The following GPBP1 variants were observed in gnomAD, a reference collection of about 807,000 sequenced individuals.
GPBP1 encodes vasculin.
A neutral mutation model predicts 56.5 loss-of-function variants in GPBP1; 13 were observed. The ratio of observed to expected loss-of-function variants is 0.23; its 90% CI spans 0.15 to 0.37. The LOEUF is 0.37. GPBP1 is among the 10% of genes least tolerant of loss of function. GPBP1 has a pLI of 1.00. For missense variants in GPBP1, 477 were observed against 572.3 expected (o/e 0.83, Z 1.70); for synonymous variants, 204 against 188.9 (o/e 1.08, Z -0.66).
intron 3 of GPBP1, 178 bp from the exon 4 acceptor site, chr5:57,230,668 A>G (rs1218564597): frequency 6.4e-6 from 4 of 628,876 alleles, no homozygotes; most frequent in South Asian, 1.9e-5. Flanking sequence ...ATAGAAGAAA[A>G]TGGACCATCG....
chr5:57,210,058 AGTAAGTT>A (rs1755407090), intron 2 of GPBP1, among the ~76,000 whole-genome samples: 1 of 152,204 alleles, frequency 6.6e-6, no homozygotes, highest in South Asian at 2.1e-4. Flanking sequence ...AATCAATTTG[AGTAAGTT>A]TTTCTTTGAA....
chr5:57,254,991 A>G (rs1272518521), intron 10 of GPBP1, among the ~76,000 whole-genome samples: 4 of 152,246 alleles, frequency 2.6e-5, no homozygotes, highest in Non-Finnish European at 5.9e-5. Context: ...TGAAATGTCA[A>G]ATACAGAAAA....
At position 57,248,448 on chromosome 5, in the gene GPBP1, G is replaced by A. The variant is rs1458040753; in HGVS notation, c.805-961G>A. Among the ~76,000 whole-genome samples, 8 of 112,682 alleles carry A rather than the reference G, an allele frequency of 7.1e-5. No individual in the cohort carries two copies. The South Asian group carries it at 2.4e-3, about 34-fold the overall frequency. The allele number at this position is 112,682 out of a possible 152,430, so 73.9% of individuals were successfully genotyped here. A position where few individuals can be genotyped will look rare whatever the true frequency, so the allele number is the denominator to read the frequency against. On this transcript the variant is annotated intron_variant, in intron 8 of 11. Coordinates refer to ENST00000506184, the MANE Select transcript of GPBP1 (RefSeq NM_022913.4). ...TTTTTTTTTTTTTTTTTTTTTTTGA[G>A]ACGGAGTCTCGCTCTGTCGCCCAGG...
intron 10 of GPBP1, among the ~76,000 whole-genome samples, chr5:57,256,338 C>T (rs1278445937): frequency 6.6e-6 from 1 of 152,018 alleles, no homozygotes; most frequent in Non-Finnish European, 1.5e-5. Flanking sequence ...CCCCATACTG[C>T]ATGAAGAGAT....
rs538111510 is a variant in GPBP1, at chr5:57,229,301, T to TATA, written c.64-1544_64-1542dup. On this transcript the variant is annotated intron_variant, in intron 3 of 11. Coordinates refer to ENST00000506184, the MANE Select transcript of GPBP1 (RefSeq NM_022913.4). ...CTGTCTTCTCAACCCTTACTGTCAT[T>TATA]ATATATTGGCCAATGGGCAAGAGGT... Among the ~76,000 whole-genome samples the TATA allele has an allele frequency of 8.7e-4, 127 of 145,312 alleles. 1 individual carries two copies. Among genetic ancestry groups the TATA allele is most frequent in the Non-Finnish European group, 1.6e-3 (105 of 66,930 alleles).
chr5:57,261,659 TTTTTTG>T (rs1580092215), intron 11 of GPBP1, among the ~76,000 whole-genome samples: 1 of 152,130 alleles, frequency 6.6e-6, no homozygotes, highest in Non-Finnish European at 1.5e-5. Context: ...TTTTGTTTTG[TTTTTTG>T]TTTTTGTTTT....
At chr5:57,243,107 G>C (rs1285851997) in intron 6 of GPBP1, among the ~76,000 whole-genome samples, 1 of 151,300 alleles carries the variant, frequency 6.6e-6, no homozygotes, top group African/African-American at 2.4e-5. Context: ...TCACTCTGTC[G>C]CCCAGGCTGG....
chr5:57,185,257 T>C (rs909948965), intron 2 of GPBP1, among the ~76,000 whole-genome samples: 1 of 145,482 alleles, frequency 6.9e-6, no homozygotes, highest in Non-Finnish European at 1.5e-5. Context: ...TTTGGTTAGG[T>C]CTTTTTTTTT....
At chr5:57,237,721 G>A (rs964832456) in intron 6 of GPBP1, among the ~76,000 whole-genome samples, 3 of 151,710 alleles carry the variant, frequency 2.0e-5, no homozygotes, top group African/African-American at 7.3e-5. Context: ...TTTCCCTATT[G>A]CAACATTTAA....
chr5:57,193,223 A>G (rs1012236905), intron 2 of GPBP1, among the ~76,000 whole-genome samples: 1 of 152,112 alleles, frequency 6.6e-6, no homozygotes, highest in Non-Finnish European at 1.5e-5. Flanking sequence ...AGGCTGAGGC[A>G]GGAGAATTGC....
intron 2 of GPBP1, among the ~76,000 whole-genome samples, chr5:57,194,878 A>G (rs1255685944): frequency 2.0e-5 from 3 of 152,098 alleles, no homozygotes; most frequent in Non-Finnish European, 4.4e-5. Flanking sequence ...TATACATACC[A>G]TGTTTTCTGT....
chr5:57,231,149 G>T lies in GPBP1; in HGVS notation c.239G>T (p.Gly80Val). ...KNGWRTHGRN[G>V]TENINHRGGY... ...GGATGGCGTACACATGGAAGAAATG[G>T]TACAGAAAACATAAATCATCGAGGT... The change falls in exon 5 of 12, where the codon GGT becomes GTT. Residue 80 changes from glycine (G) to valine (V), a missense_variant. Transcript: ENST00000506184. The T allele has an allele frequency of 6.2e-7, 1 of 1,614,142 alleles. No homozygotes were observed. The highest frequency in any genetic ancestry group is 1.1e-5 in the South Asian group (1 of 91,086).
At chr5:57,259,446 A>C (rs895767621) in intron 10 of GPBP1, among the ~76,000 whole-genome samples, 1 of 152,202 alleles carries the variant, frequency 6.6e-6, no homozygotes, top group Non-Finnish European at 1.5e-5. Context: ...AATGTAATTA[A>C]ATGATAAAAA....
intron 2 of GPBP1, among the ~76,000 whole-genome samples, chr5:57,190,739 G>A (rs1177294794): frequency 1.0e-5 from 1 of 100,434 alleles, no homozygotes; most frequent in East Asian, 3.4e-4. Flanking sequence ...ACAAGGTCTT[G>A]CTCTGTCACC....
intron 2 of GPBP1, among the ~76,000 whole-genome samples, chr5:57,206,728 C>A (rs974738071): frequency 6.6e-6 from 1 of 152,092 alleles, no homozygotes; most frequent in Admixed American, 6.6e-5. Context: ...ATTTAGTTGT[C>A]CAGTCTGTTT....
intron 11 of GPBP1, 130 bp downstream of exon 11, chr5:57,261,412 AAAAAG>A: frequency 1.7e-6 from 1 of 587,866 alleles, no homozygotes; most frequent in Non-Finnish European, 3.1e-6. Context: ...TTTTAAAAAA[AAAAAG>A]AGGGAGGACA....
At chr5:57,220,210 G>A (rs1204299143) in intron 3 of GPBP1, among the ~76,000 whole-genome samples, 1 of 151,956 alleles carries the variant, frequency 6.6e-6, no homozygotes, top group African/African-American at 2.4e-5. Context: ...GGCTGGTCTT[G>A]AACTACTGAG....
chr5:57,183,604 C>G (rs987218691), intron 2 of GPBP1, among the ~76,000 whole-genome samples: 5 of 152,032 alleles, frequency 3.3e-5, no homozygotes, highest in African/African-American at 7.2e-5. Context: ...GATTGTATCA[C>G]TGCACTGTAG....
At chr5:57,213,951 C>T in intron 2 of GPBP1, 123 bp from the exon 3 acceptor site, 1 of 553,878 alleles carries the variant, frequency 1.8e-6, no homozygotes, top group Non-Finnish European at 3.2e-6. Flanking sequence ...ATAGTTTTGT[C>T]TTTTCTAGAT....
Sources: gnomAD v4.1 joint callset for allele counts (sites outside exome capture counted in the v4.1 genomes callset) on GRCh38, gnomAD v4.1.1 for gene constraint, MANE v1.5 for transcripts, NCBI Gene and HGNC (gene_info 2026-07-23, HGNC 2026-07-21) for gene names.